Variants in KATNA1 observed in about 807,000 individuals in gnomAD.
KATNA1 encodes katanin catalytic subunit A1.
A neutral mutation model predicts 62.6 loss-of-function variants in KATNA1; 42 were observed. That is an observed-to-expected ratio of 0.67 (90% CI 0.52 to 0.87). The LOEUF is 0.87. Ranked by LOEUF, KATNA1 falls within the 40% of genes least tolerant of loss-of-function variation. KATNA1 has a pLI of 0.00. For missense variants in KATNA1, 498 were observed against 612.5 expected (o/e 0.81, Z 1.97); for synonymous variants, 186 against 201.9 (o/e 0.92, Z 0.67).
chr6:149,632,827 T>C lies in KATNA1; in HGVS notation c.252A>G (p.Lys84=), dbSNP rs757243171. The C allele has an allele frequency of 1.2e-6, 2 of 1,614,040 alleles. No homozygotes were observed. The highest frequency in any genetic ancestry group is 1.7e-5 in the Admixed American group (1 of 59,994). The part of the protein sequence containing the change: ...ESFKLDSTPL[K]AAQHDLPASE... ...AAGCTGGAAGGTCATGCTGTGCCGCTTTCAAGGGAGTGCTGTCCAGTTTAA... is the reference window on the plus strand; with the variant it reads ...AAGCTGGAAGGTCATGCTGTGCCGCCTTCAAGGGAGTGCTGTCCAGTTTAA... Residue 84 remains lysine, a synonymous_variant, in exon 3 of 11, where the codon AAA becomes AAG. Transcript: ENST00000367411.
Position 149,638,665 on chromosome 6 carries a change from C to T in KATNA1, c.-13-105G>A, listed in dbSNP as rs1180800577. On this transcript the variant is annotated intron_variant, in intron 1 of 10. Coordinates refer to ENST00000367411, the MANE Select transcript of KATNA1 (RefSeq NM_007044.4). Reference sequence around the variant, plus strand: ...CCAGGGCTCCCTCAAGAAACAATCACACATACCACACTTCCCATCTCTATA... The same window carrying T: ...CCAGGGCTCCCTCAAGAAACAATCATACATACCACACTTCCCATCTCTATA... The T allele has an allele frequency of 7.6e-6, 5 of 656,170 alleles. No individual in the cohort carries two copies. In the African/African-American group the frequency reaches 9.2e-5, roughly 12 times the overall value. 40.6% of individuals were successfully genotyped at this position (656,170 alleles called of 1,614,324 possible). A position where few individuals can be genotyped will look rare whatever the true frequency, so the allele number is the denominator to read the frequency against.
intron 2 of KATNA1, among the ~76,000 whole-genome samples, chr6:149,638,044 T>C (rs1015705817): frequency 1.1e-4 from 17 of 152,160 alleles, no homozygotes; most frequent in African/African-American, 4.1e-4. Context: ...GGTACAAGCA[T>C]AGCTCACTGC....
rs1037338188 is a variant in KATNA1 at position 149,598,091 on chromosome 6, T to C, written c.1015+133A>G. ...ATCAGGAACTTCTTGCCACCCCCTC[T>C]AGTCCATCTGAAGTTAAGAATACCT... On this transcript the variant is annotated intron_variant, in intron 8 of 10. Transcript: ENST00000367411. 1.1e-4 allele frequency: 105 copies of C among 940,974 alleles called. 2 individuals carry two copies. In the South Asian group the frequency reaches 1.7e-3, roughly 15 times the overall value. 58.3% of individuals were successfully genotyped at this position (940,974 alleles called of 1,614,324 possible).
At chr6:149,646,838 C>G (rs1427456788) in intron 1 of KATNA1, among the ~76,000 whole-genome samples, 1 of 152,180 alleles carries the variant, frequency 6.6e-6, no homozygotes, top group East Asian at 1.9e-4. Flanking sequence ...GGCATGTTAT[C>G]AACACTGACC....
At position 149,638,463 on chromosome 6, in the gene KATNA1, A is replaced by G; in HGVS notation, c.85T>C (p.Tyr29His). 1.2e-6 allele frequency: 2 copies of G among 1,613,828 alleles called. No individual in the cohort carries two copies. The highest frequency in any genetic ancestry group is 2.2e-5 in the East Asian group (1 of 44,864). Residue 29 changes from tyrosine (Y) to histidine (H), a missense_variant, in exon 2 of 11, where the codon TAT becomes CAT. By Grantham distance (83) the Tyr-to-His change is moderately conservative. Around this residue, in one of 3 missense-constraint regions of KATNA1, gnomAD observed 28 missense variants for 41.6 expected, o/e 0.67. Transcript: ENST00000367411. ...TTCATTTGGTCAAGAACTCCCTGATAATAGACCATCGCAGAGTCATAGTTT... is the reference window on the plus strand; with the variant it reads ...TTCATTTGGTCAAGAACTCCCTGATGATAGACCATCGCAGAGTCATAGTTT... Reference protein sequence around the residue: ...LGNYDSAMVYYQGVLDQMNKY... With the variant: ...LGNYDSAMVYHQGVLDQMNKY...
At chr6:149,600,253 G>A (rs1461933258) in intron 7 of KATNA1, among the ~76,000 whole-genome samples, 1 of 144,944 alleles carries the variant, frequency 6.9e-6, no homozygotes, top group Admixed American at 7.1e-5. Flanking sequence ...TGTAATCCCG[G>A]CACTTTATGG....
At chr6:149,608,541 G>A (rs922664833) in intron 4 of KATNA1, among the ~76,000 whole-genome samples, 6 of 152,162 alleles carry the variant, frequency 3.9e-5, no homozygotes, top group African/African-American at 1.2e-4. Flanking sequence ...CCCACCCAGG[G>A]CAGCAAAGGC....
At position 149,632,794 on chromosome 6, in the gene KATNA1, T is replaced by C. The variant is rs1321335264; in HGVS notation, c.285A>G (p.Gly95=). ...AAQHDLPASE[G]EVWSMPVPVE... ...CAGGTACAGGCATGGACCAGACTTC[T>C]CCCTCAGAAGCTGGAAGGTCATGCT... is the stretch of plus-strand genomic sequence containing the variant. Residue 95 remains glycine (G), a synonymous_variant, in exon 3 of 11, where the codon GGA becomes GGG. Coordinates refer to ENST00000367411, the MANE Select transcript of KATNA1 (RefSeq NM_007044.4). 1 of 1,613,484 alleles carries C rather than the reference T, an allele frequency of 6.2e-7. No homozygotes were observed. Among genetic ancestry groups the C allele is most frequent in the Non-Finnish European group, 8.5e-7 (1 of 1,179,902 alleles).
intron 3 of KATNA1, among the ~76,000 whole-genome samples, chr6:149,630,002 G>A (rs1339823354): frequency 6.6e-6 from 1 of 152,146 alleles, no homozygotes; most frequent in Non-Finnish European, 1.5e-5. Context: ...ACAGTAATAT[G>A]CAATGATTGT....
chr6:149,645,185 G>A (rs1027850297), intron 1 of KATNA1, among the ~76,000 whole-genome samples: 4 of 152,066 alleles, frequency 2.6e-5, no homozygotes, highest in Non-Finnish European at 4.4e-5. Flanking sequence ...AGTGGCTCAC[G>A]CCTGTAATCA....
intron 4 of KATNA1, among the ~76,000 whole-genome samples, chr6:149,622,240 C>T (rs527814215): frequency 6.6e-6 from 1 of 151,802 alleles, no homozygotes; most frequent in Admixed American, 6.6e-5. Flanking sequence ...TCACGCCATT[C>T]TCCTGCCTCA....
At chr6:149,603,444 C>A in intron 5 of KATNA1, 71 bp from the exon 6 acceptor site, 2 of 698,336 alleles carry the variant, frequency 2.9e-6, no homozygotes, top group South Asian at 1.9e-5. Context: ...TTGAGAACCA[C>A]TGGAAGCACA....
At chr6:149,616,931 TAAAC>T (rs555696418) in intron 4 of KATNA1, among the ~76,000 whole-genome samples, 89 of 152,150 alleles carry the variant, frequency 5.8e-4, no homozygotes, top group Middle Eastern at 6.8e-3. Context: ...AAATGAATGA[TAAAC>T]AAAGCATGAA....
intron 4 of KATNA1, among the ~76,000 whole-genome samples, chr6:149,617,331 T>C (rs1779202401): frequency 6.6e-6 from 1 of 152,132 alleles, no homozygotes; most frequent in South Asian, 2.1e-4. Flanking sequence ...TTATGTTATG[T>C]ATATTTTGCC....
chr6:149,631,017 T>A (rs1161936045), intron 3 of KATNA1, among the ~76,000 whole-genome samples: 2 of 152,250 alleles, frequency 1.3e-5, no homozygotes, highest in Non-Finnish European at 1.5e-5. Flanking sequence ...AAAATATGAC[T>A]TATTTGGAAG....
intron 4 of KATNA1, among the ~76,000 whole-genome samples, chr6:149,608,163 T>G (rs1297459730): frequency 6.6e-6 from 1 of 152,214 alleles, no homozygotes; most frequent in East Asian, 1.9e-4. Flanking sequence ...AAATGACAGC[T>G]GGGTTCTCAT....
At chr6:149,610,098 T>A (rs1395543055) in intron 4 of KATNA1, among the ~76,000 whole-genome samples, 23 of 60,818 alleles carry the variant, frequency 3.8e-4, no homozygotes, top group Admixed American at 1.3e-3. Flanking sequence ...AAACTCCGTC[T>A]CAAAAAAAAA....
At chr6:149,610,798 C>T (rs929917600) in intron 4 of KATNA1, among the ~76,000 whole-genome samples, 3 of 151,996 alleles carry the variant, frequency 2.0e-5, no homozygotes, top group Admixed American at 6.6e-5. Flanking sequence ...GTAATCCCAG[C>T]ACTTTGGGAT....
At chr6:149,622,233 C>T (rs895018919) in intron 4 of KATNA1, among the ~76,000 whole-genome samples, 3 of 151,560 alleles carry the variant, frequency 2.0e-5, no homozygotes, top group Non-Finnish European at 4.4e-5. Flanking sequence ...CTCGGGTTCA[C>T]GCCATTCTCC....
Sources: allele counts gnomAD v4.1 joint callset (sites outside exome capture counted in the v4.1 genomes callset), GRCh38; gene constraint gnomAD v4.1.1; regional missense constraint gnomAD v4.1.1; transcripts MANE v1.5; gene names NCBI Gene and HGNC (gene_info 2026-07-23, HGNC 2026-07-21).